The following KIAA0825 variants were observed in gnomAD, a reference collection of about 807,000 sequenced individuals.
KIAA0825 encodes the protein KIAA0825, also known as uncharacterized protein KIAA0825.
In KIAA0825, 119 loss-of-function variants were observed where a neutral mutation model predicts 147.6. That is an observed-to-expected ratio of 0.81 (90% CI 0.69 to 0.94). The LOEUF (loss-of-function observed/expected upper bound fraction) is 0.94. Ranked by LOEUF, KIAA0825 falls within the 40% of genes least tolerant of loss-of-function variation. The pLI is 0.00. For synonymous variants in KIAA0825, 470 were observed against 518.1 expected (o/e 0.91, Z 1.26); for missense variants, 1,381 against 1,472.7 (o/e 0.94, Z 1.02).
chr5:94,232,906 C>A (rs989863633), intron 20 of KIAA0825, among the ~76,000 whole-genome samples: 3 of 152,060 alleles, frequency 2.0e-5, no homozygotes, highest in African/African-American at 7.2e-5. Flanking sequence ...TTAATAAATT[C>A]ATTTGCCTTC....
Position 94,536,874 on chromosome 5 carries a change from G to T in KIAA0825, c.131+122C>A, listed in dbSNP as rs186563576. 6.2e-4 allele frequency: 383 copies of T among 618,728 alleles called. 8 individuals carry two copies. The Admixed American group carries it at 0.011, about 17-fold the overall frequency. 38.3% of individuals were successfully genotyped at this position (618,728 alleles called of 1,614,324 possible). On this transcript the variant is annotated intron_variant, in intron 3 of 20. Coordinates refer to ENST00000682413, the MANE Select transcript of KIAA0825 (RefSeq NM_001145678.3). ...GAGAGGGGGGTCTAATCAATATTTTGGGGGAAAGTTAATGATAATTAAAAC... is the reference window on the plus strand; with the variant it reads ...GAGAGGGGGGTCTAATCAATATTTTTGGGGAAAGTTAATGATAATTAAAAC...
chr5:94,425,497 G>A (rs1754739313), intron 14 of KIAA0825, among the ~76,000 whole-genome samples: 1 of 152,030 alleles, frequency 6.6e-6, no homozygotes, highest in Non-Finnish European at 1.5e-5. Context: ...CCAAAGCTTT[G>A]GGAGGCAAAG....
At chr5:94,222,462 G>GA in intron 20 of KIAA0825, among the ~76,000 whole-genome samples, 1 of 152,044 alleles carries the variant, frequency 6.6e-6, no homozygotes, top group South Asian at 2.1e-4. Context: ...TTATTATTTT[G>GA]AACAATCAAG....
intron 20 of KIAA0825, among the ~76,000 whole-genome samples, chr5:94,176,938 A>G (rs1769159126): frequency 6.6e-6 from 1 of 152,142 alleles, no homozygotes; most frequent in Non-Finnish European, 1.5e-5. Flanking sequence ...CTATGACATT[A>G]CCATTGCTAG....
chr5:94,363,136 T>G (rs1297897375), intron 20 of KIAA0825, among the ~76,000 whole-genome samples: 1 of 150,772 alleles, frequency 6.6e-6, no homozygotes, highest in Non-Finnish European at 1.5e-5. Context: ...TTCAGGTAAC[T>G]GACTTATTTC....
intron 20 of KIAA0825, among the ~76,000 whole-genome samples, chr5:94,366,121 TA>T (rs1745816413): frequency 6.6e-6 from 1 of 152,154 alleles, no homozygotes; most frequent in Non-Finnish European, 1.5e-5. Context: ...AAATTATCCT[TA>T]AAAACTCCAG....
At chr5:94,222,297 C>T (rs1773733068) in intron 20 of KIAA0825, among the ~76,000 whole-genome samples, 1 of 151,926 alleles carries the variant, frequency 6.6e-6, no homozygotes, top group Non-Finnish European at 1.5e-5. Flanking sequence ...ATTTTAATTG[C>T]GATTCACTGG....
chr5:94,489,636 A>G (rs1763479908), intron 5 of KIAA0825, among the ~76,000 whole-genome samples: 1 of 151,612 alleles, frequency 6.6e-6, no homozygotes, highest in Non-Finnish European at 1.5e-5. Context: ...CTGTAATCCC[A>G]GCACTTTGGG....
chr5:94,429,069 T>A (rs1755289323), intron 14 of KIAA0825, among the ~76,000 whole-genome samples: 1 of 152,158 alleles, frequency 6.6e-6, no homozygotes. Flanking sequence ...TTTAAAGATA[T>A]TTTGTTCTTT....
At chr5:94,425,967 C>T (rs894234641) in intron 14 of KIAA0825, among the ~76,000 whole-genome samples, 7 of 151,824 alleles carry the variant, frequency 4.6e-5, no homozygotes, top group African/African-American at 1.7e-4. Context: ...CCCAACTCAG[C>T]CTTCCAAGTA....
chr5:94,338,034 G>A (rs2150317191), intron 20 of KIAA0825, among the ~76,000 whole-genome samples: 1 of 152,254 alleles, frequency 6.6e-6, no homozygotes, highest in South Asian at 2.1e-4. Context: ...GGAATGGTTG[G>A]AGAGAGAGAA....
Position 94,514,218 on chromosome 5 carries a change from T to C in KIAA0825, c.970+6030A>G, listed in dbSNP as rs966850020. Among the ~76,000 whole-genome samples, 3 of 152,180 alleles carry C rather than the reference T, an allele frequency of 2.0e-5. No homozygotes were observed. In the East Asian group the frequency reaches 5.8e-4, roughly 29 times the overall value. The stretch of plus-strand genomic sequence containing the variant: ...GCTTAACTCTGGTAAAAATGGTATA[T>C]GTAACCAGGTTACTTGCATCTTTAG... On this transcript the variant is annotated intron_variant, in intron 5 of 20. Transcript: ENST00000682413.
At chr5:94,231,699 A>G (rs997831661) in intron 20 of KIAA0825, among the ~76,000 whole-genome samples, 1 of 152,146 alleles carries the variant, frequency 6.6e-6, no homozygotes, top group South Asian at 2.1e-4. Flanking sequence ...ACGTATCTGG[A>G]TGGATGTTCA....
At chr5:94,517,094 T>C (rs932102489) in intron 5 of KIAA0825, among the ~76,000 whole-genome samples, 2 of 152,024 alleles carry the variant, frequency 1.3e-5, no homozygotes, top group African/African-American at 4.8e-5. Context: ...AGAGCAAAAC[T>C]CCAACTCAAA....
chr5:94,507,017 C>T (rs1395069279), intron 5 of KIAA0825, among the ~76,000 whole-genome samples: 1 of 152,060 alleles, frequency 6.6e-6, no homozygotes, highest in Non-Finnish European at 1.5e-5. Context: ...TAGTATCATA[C>T]ACAACAAAAT....
chr5:94,351,319 A>G (rs1783637455), intron 20 of KIAA0825, among the ~76,000 whole-genome samples: 1 of 152,084 alleles, frequency 6.6e-6, no homozygotes, highest in South Asian at 2.1e-4. Context: ...AACCACTTTT[A>G]CAATAGCTGA....
At chr5:94,178,598 TTTGAATTA>T (rs1769322596) in intron 20 of KIAA0825, among the ~76,000 whole-genome samples, 1 of 152,002 alleles carries the variant, frequency 6.6e-6, no homozygotes, top group Non-Finnish European at 1.5e-5. Context: ...TGATATAAAT[TTTGAATTA>T]TTGAATAACT....
At chr5:94,594,258 G>A (rs988885606) in intron 1 of KIAA0825, 2 of 617,972 alleles carry the variant, frequency 3.2e-6, no homozygotes, top group African/African-American at 1.8e-5. Flanking sequence ...AAATAGATCA[G>A]TCTGCTTGGA....
chr5:94,501,267 A>C (rs553303980), intron 5 of KIAA0825, among the ~76,000 whole-genome samples: 1 of 152,376 alleles, frequency 6.6e-6, no homozygotes, highest in South Asian at 2.1e-4. Flanking sequence ...ATAAATGTAT[A>C]CATATGTCTG....
Sources: gnomAD v4.1 joint callset for allele counts (sites outside exome capture counted in the v4.1 genomes callset) on GRCh38, gnomAD v4.1.1 for gene constraint, MANE v1.5 for transcripts, NCBI Gene and HGNC (gene_info 2026-07-23, HGNC 2026-07-21) for gene names.